TMEM135: variants seen among roughly 807,000 people sequenced by gnomAD.
TMEM135 encodes the protein transmembrane protein 135, also known as peroxisomal membrane protein 52.
Under a neutral mutation model 60.3 loss-of-function variants are expected in TMEM135, and 30 were observed. That is an observed-to-expected ratio of 0.50 (90% CI 0.37 to 0.68). The LOEUF (loss-of-function observed/expected upper bound fraction) is 0.68, where lower values mean the gene tolerates loss of function less well. Among genes scored for constraint, TMEM135 ranks in the 30% least tolerant of loss-of-function variants. The pLI is 0.00. For missense variants in TMEM135, 468 were observed against 548.8 expected (o/e 0.85, Z 1.47); for synonymous variants, 190 against 186.7 (o/e 1.02, Z -0.14).
At chr11:87,153,227 C>A (rs1591060055) in intron 4 of TMEM135, among the ~76,000 whole-genome samples, 1 of 152,146 alleles carries the variant, frequency 6.6e-6, no homozygotes, top group East Asian at 1.9e-4. Context: ...GCACCCTATT[C>A]TTGTCTCAGC....
At chr11:87,094,136 A>G (rs1320790859) in intron 4 of TMEM135, among the ~76,000 whole-genome samples, 1 of 152,298 alleles carries the variant, frequency 6.6e-6, no homozygotes, top group East Asian at 1.9e-4. Context: ...TTCTAAAATA[A>G]TAGACTCTGG....
In TMEM135 at chr11:87,319,389, C is replaced by T. The variant is rs111423868; in HGVS notation, c.1244+12C>T. ...CTCACCAAGGGCAAGTAAGTGACTACGTAGTTTTCTTAAAAATATTATGAG... is the reference window on the plus strand; with the variant it reads ...CTCACCAAGGGCAAGTAAGTGACTATGTAGTTTTCTTAAAAATATTATGAG... On this transcript the variant is annotated intron_variant, in intron 14 of 14. Coordinates refer to ENST00000305494, the MANE Select transcript of TMEM135 (RefSeq NM_022918.4). 363 of 1,597,142 alleles carry T rather than the reference C, an allele frequency of 2.3e-4. No homozygotes were observed. In the African/African-American group the frequency reaches 3.6e-3, roughly 16 times the overall value.
At chr11:87,192,148 AT>A (rs761888889) in intron 5 of TMEM135, among the ~76,000 whole-genome samples, 278 of 136,554 alleles carry the variant, frequency 2.0e-3, no homozygotes, top group Middle Eastern at 3.8e-3. Flanking sequence ...TGCCCAGCTA[AT>A]TTTTTTTTTT....
Position 87,259,005 on chromosome 11 carries a change from G to A in TMEM135, c.509+22321G>A. 3 of 1,525,156 alleles carry A rather than the reference G, an allele frequency of 2.0e-6. No individual in the cohort carries two copies. In the South Asian group the frequency reaches 3.4e-5, roughly 17 times the overall value. 94.5% of individuals were successfully genotyped at this position (1,525,156 alleles called of 1,614,324 possible). ...CAACGGGAAGAACCAGGATCATAAA[G>A]GAAGTGGTCCCAATCCACACGGCTG... is the stretch of plus-strand genomic sequence containing the variant. On this transcript the variant is annotated intron_variant, in intron 6 of 14. Transcript: ENST00000305494.
At chr11:87,094,293 T>C (rs912009275) in intron 4 of TMEM135, among the ~76,000 whole-genome samples, 3 of 152,208 alleles carry the variant, frequency 2.0e-5, no homozygotes, top group Admixed American at 6.5e-5. Flanking sequence ...TCCTATATAA[T>C]ACTTTTCTGA....
intron 1 of TMEM135, among the ~76,000 whole-genome samples, chr11:87,046,796 A>G (rs1949800456): frequency 6.6e-6 from 1 of 152,212 alleles, no homozygotes; most frequent in Non-Finnish European, 1.5e-5. Flanking sequence ...AAGCAGACAG[A>G]GCTGTATGAA....
At chr11:87,107,236 GT>G (rs1263174253) in intron 4 of TMEM135, among the ~76,000 whole-genome samples, 1 of 151,770 alleles carries the variant, frequency 6.6e-6, no homozygotes. Context: ...TTTCTTTTAG[GT>G]TATATAATTT....
At chr11:87,059,406 G>T (rs1455776430) in intron 1 of TMEM135, among the ~76,000 whole-genome samples, 2 of 150,446 alleles carry the variant, frequency 1.3e-5, no homozygotes, top group African/African-American at 4.9e-5. Flanking sequence ...CCAGATTCAA[G>T]CGATTCTCCT....
intron 4 of TMEM135, among the ~76,000 whole-genome samples, chr11:87,119,861 C>G (rs1232047002): frequency 1.3e-5 from 2 of 150,738 alleles, no homozygotes; most frequent in African/African-American, 2.4e-5. Flanking sequence ...CTCCATGCAG[C>G]GTTGCTGCAA....
At chr11:87,067,650 G>A (rs762590446) in intron 1 of TMEM135, 44 bp from the exon 2 acceptor site, 2 of 1,610,390 alleles carry the variant, frequency 1.2e-6, no homozygotes, top group Admixed American at 1.7e-5. Context: ...AATTTAAGTG[G>A]GAAATGTTGG....
intron 1 of TMEM135, among the ~76,000 whole-genome samples, chr11:87,040,833 C>T (rs78456527): frequency 0.021 from 3,132 of 152,056 alleles, 37 homozygotes; most frequent in Non-Finnish European, 0.028. Flanking sequence ...TGAATAGTTA[C>T]GCATATTTTT....
chr11:87,096,686 G>A (rs1304250681), intron 4 of TMEM135: 1 of 152,122 alleles, frequency 6.6e-6, no homozygotes, highest in Non-Finnish European at 1.5e-5. Flanking sequence ...ACAAAGTTAT[G>A]TTGCATTTAT....
intron 6 of TMEM135, among the ~76,000 whole-genome samples, chr11:87,249,965 G>C (rs544509621): frequency 6.6e-6 from 1 of 152,146 alleles, no homozygotes; most frequent in South Asian, 2.1e-4. Flanking sequence ...TTTTATTACA[G>C]CTTCAATCTC....
At chr11:87,286,876 CATAA>C (rs1942176019) in intron 6 of TMEM135, among the ~76,000 whole-genome samples, 1 of 152,198 alleles carries the variant, frequency 6.6e-6, no homozygotes, top group South Asian at 2.1e-4. Context: ...ATAACTCCAA[CATAA>C]ATGTTTACAC....
chr11:87,053,908 A>G (rs1040314170), intron 1 of TMEM135, among the ~76,000 whole-genome samples: 1 of 152,026 alleles, frequency 6.6e-6, no homozygotes, highest in Non-Finnish European at 1.5e-5. Flanking sequence ...AGATTTGTGT[A>G]TTTTTTCCTT....
intron 5 of TMEM135, among the ~76,000 whole-genome samples, chr11:87,193,924 A>C (rs1395126143): frequency 6.6e-6 from 1 of 151,940 alleles, no homozygotes; most frequent in Non-Finnish European, 1.5e-5. Context: ...ATTGCTGTGG[A>C]CTGTGATAAA....
chr11:87,069,455 T>G (rs1856733937), intron 2 of TMEM135, among the ~76,000 whole-genome samples: 1 of 152,088 alleles, frequency 6.6e-6, no homozygotes, highest in Non-Finnish European at 1.5e-5. Context: ...TAAGAACTCA[T>G]GAGGTGGTTG....
chr11:87,263,432 A>C (rs967030826), intron 6 of TMEM135, among the ~76,000 whole-genome samples: 9 of 152,026 alleles, frequency 5.9e-5, no homozygotes, highest in Admixed American at 5.9e-4. Context: ...GGCTCCTACC[A>C]TTTTTGCTTT....
chr11:87,082,490 G>T (rs953256360), intron 3 of TMEM135, among the ~76,000 whole-genome samples: 2 of 152,144 alleles, frequency 1.3e-5, no homozygotes, highest in Non-Finnish European at 2.9e-5. Context: ...TTATAATTAT[G>T]CCTTTAATTC....
Sources: gnomAD v4.1 joint callset for allele counts (sites outside exome capture counted in the v4.1 genomes callset) on GRCh38, gnomAD v4.1.1 for gene constraint, MANE v1.5 for transcripts, NCBI Gene and HGNC (gene_info 2026-07-23, HGNC 2026-07-21) for gene names.